Variants in ITSN1 observed in about 807,000 individuals in gnomAD.
ITSN1 encodes the protein intersectin 1.
A neutral mutation model predicts 239.8 loss-of-function variants in ITSN1; 58 were observed. The ratio of observed to expected loss-of-function variants is 0.24; its 90% CI spans 0.20 to 0.30. The LOEUF is 0.30. Among genes scored for constraint, ITSN1 ranks in the 10% least tolerant of loss-of-function variants. The pLI, the probability that ITSN1 is intolerant of heterozygous loss-of-function variation, is 1.00. For missense variants in ITSN1, 1,558 were observed against 2,103.3 expected (o/e 0.74, Z 5.07); for synonymous variants, 780 against 770.8 (o/e 1.01, Z -0.20).
rs2068832959 is a variant in ITSN1, at chr21:33,767,797, T to C, written c.1011T>C (p.Asp337=). ...TACCAGAGGAACCAGTTTTAGAAGA[T>C]GAACAACAACAATTAGAAAAGAAAT... is the stretch of plus-strand genomic sequence containing the variant. ...QRLPEEPVLE[D]EQQQLEKKLP... The change falls in exon 11 of 40, where the codon GAT becomes GAC. Residue 337 remains aspartate (D), a synonymous_variant. Coordinates refer to ENST00000381318, the MANE Select transcript of ITSN1 (RefSeq NM_003024.3). 6.2e-7 allele frequency: 1 copy of C among 1,609,968 alleles called. No homozygotes were observed. Among genetic ancestry groups the C allele is most frequent in the Non-Finnish European group, 8.5e-7 (1 of 1,176,436 alleles).
intron 27 of ITSN1, among the ~76,000 whole-genome samples, chr21:33,830,481 A>C (rs1197785592): frequency 6.6e-6 from 1 of 152,184 alleles, no homozygotes; most frequent in East Asian, 1.9e-4. Context: ...AATGATGAGC[A>C]GTGGGGAGAC....
Position 33,888,297 on chromosome 21 carries a change from G to T in ITSN1, c.5163G>T (p.Pro1721=), listed in dbSNP as rs144206450. ...TGGACCTGCAGTTGTTTGATGAGCC[G>T]TAGGCAGCGGGCTCAGGGTGTGCTC... ...VRLDLQLFDE[P] Residue 1721 remains proline (P), a synonymous_variant, in exon 40 of 40, where the codon CCG becomes CCT. Coordinates refer to ENST00000381318, the MANE Select transcript of ITSN1 (RefSeq NM_003024.3). The T allele has an allele frequency of 6.2e-7, 1 of 1,611,716 alleles. No homozygotes were observed. Among genetic ancestry groups the T allele is most frequent in the South Asian group, 1.1e-5 (1 of 90,826 alleles).
chr21:33,684,170 A>G (rs914410204), intron 1 of ITSN1, among the ~76,000 whole-genome samples: 9 of 152,222 alleles, frequency 5.9e-5, no homozygotes, highest in Non-Finnish European at 1.2e-4. Flanking sequence ...GTGATTCAGT[A>G]ATAACCTTGT....
intron 1 of ITSN1, among the ~76,000 whole-genome samples, chr21:33,678,647 T>C (rs548498875): frequency 9.8e-5 from 15 of 152,328 alleles, no homozygotes; most frequent in Non-Finnish European, 1.9e-4. Flanking sequence ...CTGAAGATGA[T>C]TTTCTTGGAA....
At chr21:33,784,350 CACACT>C (rs1192846644) in intron 16 of ITSN1, among the ~76,000 whole-genome samples, 1 of 144,738 alleles carries the variant, frequency 6.9e-6, no homozygotes, top group African/African-American at 2.6e-5. Context: ...CACACACACA[CACACT>C]AGTCAGGTAT....
chr21:33,703,541 C>A (rs976799797), intron 1 of ITSN1, among the ~76,000 whole-genome samples: 1 of 152,144 alleles, frequency 6.6e-6, no homozygotes, highest in Non-Finnish European at 1.5e-5. Context: ...AATAAAATAT[C>A]TAGGTCCAGC....
At chr21:33,684,971 A>G (rs1204618865) in intron 1 of ITSN1, among the ~76,000 whole-genome samples, 2 of 152,176 alleles carry the variant, frequency 1.3e-5, no homozygotes, top group African/African-American at 2.4e-5. Flanking sequence ...ATTATGAAAA[A>G]TTTCAACATC....
At chr21:33,860,401 C>G (rs1344084284) in intron 31 of ITSN1, among the ~76,000 whole-genome samples, 2 of 151,670 alleles carry the variant, frequency 1.3e-5, no homozygotes, top group Admixed American at 1.3e-4. Flanking sequence ...CTGGGGGAGG[C>G]GGGAGATGTT....
intron 1 of ITSN1, among the ~76,000 whole-genome samples, chr21:33,666,537 A>G (rs1396636533): frequency 6.6e-6 from 1 of 152,238 alleles, no homozygotes; most frequent in East Asian, 1.9e-4. Context: ...ATACTTTCTT[A>G]AACCATTTTA....
intron 1 of ITSN1, among the ~76,000 whole-genome samples, chr21:33,714,565 G>A (rs1294699242): frequency 1.3e-5 from 2 of 152,160 alleles, no homozygotes; most frequent in Admixed American, 1.3e-4. Context: ...TTATATTTAT[G>A]TTTGCTGTGA....
chr21:33,794,394 G>A lies in ITSN1; in HGVS notation c.1878G>A (p.Glu626=), dbSNP rs760599859. Residue 626 remains glutamate (E), a synonymous_variant, in exon 17 of 40, where the codon GAG becomes GAA. Coordinates refer to ENST00000381318, the MANE Select transcript of ITSN1 (RefSeq NM_003024.3). ...AACTCCAGAAGCAAAAGTCCATGGA[G>A]GCTGAACGACTGAAACAGAAAGAAC... ...KQQLQKQKSM[E]AERLKQKEQE... is the part of the protein sequence containing the mutation. 6.2e-7 allele frequency: 1 copy of A among 1,613,902 alleles called. No individual in the cohort carries two copies. Among genetic ancestry groups the A allele is most frequent in the South Asian group, 1.1e-5 (1 of 91,030 alleles).
At chr21:33,695,346 A>G (rs1336675138) in intron 1 of ITSN1, among the ~76,000 whole-genome samples, 1 of 152,242 alleles carries the variant, frequency 6.6e-6, no homozygotes, top group Non-Finnish European at 1.5e-5. Context: ...AAAATTGACA[A>G]AAACTTTATA....
chr21:33,734,972 G>A (rs1362783092), intron 4 of ITSN1, 72 bp from the exon 5 acceptor site: 1 of 1,313,110 alleles, frequency 7.6e-7, no homozygotes, highest in African/African-American at 1.5e-5. Context: ...TTTTCGTGTT[G>A]GTGGGAGTGG....
At chr21:33,764,251 T>C (rs1331940483) in intron 9 of ITSN1, among the ~76,000 whole-genome samples, 1 of 152,232 alleles carries the variant, frequency 6.6e-6, no homozygotes, top group Non-Finnish European at 1.5e-5. Context: ...TGTTATATTC[T>C]GGTGCTACAC....
chr21:33,806,418 C>T (rs536348397), intron 20 of ITSN1, among the ~76,000 whole-genome samples: 1 of 152,292 alleles, frequency 6.6e-6, no homozygotes, highest in Admixed American at 6.5e-5. Context: ...ATTTCTGCTT[C>T]CCCCCTTTGT....
At chr21:33,728,508 T>G (rs972958921) in intron 4 of ITSN1, among the ~76,000 whole-genome samples, 6 of 152,136 alleles carry the variant, frequency 3.9e-5, no homozygotes, top group African/African-American at 9.7e-5. Flanking sequence ...GATTACAGGC[T>G]TGAGCCACCC....
chr21:33,746,417 G>A (rs774888119), intron 5 of ITSN1, among the ~76,000 whole-genome samples: 5 of 152,082 alleles, frequency 3.3e-5, no homozygotes, highest in African/African-American at 1.2e-4. Context: ...CAGCAATTAC[G>A]TTCAAAGAAC....
chr21:33,780,170 G>A (rs549329673), intron 14 of ITSN1, among the ~76,000 whole-genome samples: 5 of 152,188 alleles, frequency 3.3e-5, no homozygotes, highest in African/African-American at 1.2e-4. Context: ...TATTCTCCTG[G>A]AAAATTTAGG....
At chr21:33,688,103 G>A (rs2091337882) in intron 1 of ITSN1, among the ~76,000 whole-genome samples, 1 of 150,762 alleles carries the variant, frequency 6.6e-6, no homozygotes, top group Non-Finnish European at 1.5e-5. Context: ...TTCTTGAAAA[G>A]GCATGTGTTT....
Sources: gnomAD v4.1 joint callset for allele counts (sites outside exome capture counted in the v4.1 genomes callset) on GRCh38, gnomAD v4.1.1 for gene constraint, MANE v1.5 for transcripts, NCBI Gene and HGNC (gene_info 2026-07-23, HGNC 2026-07-21) for gene names.